NRG4: variants seen among roughly 807,000 people sequenced by gnomAD.
The protein encoded by NRG4 is neuregulin 4.
A neutral mutation model predicts 15.0 loss-of-function variants in NRG4; 10 were observed. That is an observed-to-expected ratio of 0.67 (90% CI 0.41 to 1.13). The LOEUF (loss-of-function observed/expected upper bound fraction) is 1.13. NRG4 is among the 50% of genes most tolerant of loss of function. The pLI is 0.00. For missense variants in NRG4, 139 were observed against 140.2 expected, an observed-to-expected ratio of 0.99 and a Z score of 0.04; for synonymous variants, 41 against 50.1, an observed-to-expected ratio of 0.82 and a Z score of 0.77.
intron 3 of NRG4, among the ~76,000 whole-genome samples, chr15:76,000,547 A>G (rs974084844): frequency 1.4e-4 from 22 of 152,226 alleles, no homozygotes; most frequent in African/African-American, 4.1e-4. Flanking sequence ...AAAAACACGT[A>G]CCCAAATATA....
chr15:76,006,221 T>C (rs927449268), intron 3 of NRG4, among the ~76,000 whole-genome samples: 3 of 151,998 alleles, frequency 2.0e-5, no homozygotes, highest in Non-Finnish European at 2.9e-5. Flanking sequence ...AAGAGGGCAA[T>C]AAAGAGTCAA....
At chr15:75,965,197 C>G (rs2032740349) in intron 3 of NRG4, among the ~76,000 whole-genome samples, 1 of 151,966 alleles carries the variant, frequency 6.6e-6, no homozygotes, top group East Asian at 1.9e-4. Flanking sequence ...TGCACTCCAG[C>G]TTGGGCGACA....
At chr15:75,988,448 A>G (rs943726184) in intron 3 of NRG4, among the ~76,000 whole-genome samples, 9 of 152,178 alleles carry the variant, frequency 5.9e-5, no homozygotes, top group South Asian at 2.1e-4. Flanking sequence ...CGGCCTCCCA[A>G]ACTGCTGGGA....
intron 3 of NRG4, among the ~76,000 whole-genome samples, chr15:75,976,067 T>C (rs557137944): frequency 6.6e-6 from 1 of 152,304 alleles, no homozygotes; most frequent in African/African-American, 2.4e-5. Context: ...CTTGTCTTCA[T>C]GCTTTATTTC....
At chr15:75,999,132 A>AG (rs936175097) in intron 3 of NRG4, among the ~76,000 whole-genome samples, 16 of 152,210 alleles carry the variant, frequency 1.1e-4, no homozygotes, top group Admixed American at 3.9e-4. Context: ...TCAAATCAGC[A>AG]GGGGAATTCA....
At chr15:75,950,589 C>T (rs2031819080) in intron 5 of NRG4, 1 of 245,676 alleles carries the variant, frequency 4.1e-6, no homozygotes, top group African/African-American at 2.3e-5. Context: ...CCAGCATCCT[C>T]CAAGAACTGG....
At chr15:75,991,992 A>G (rs1362231387) in intron 3 of NRG4, among the ~76,000 whole-genome samples, 1 of 152,028 alleles carries the variant, frequency 6.6e-6, no homozygotes, top group Non-Finnish European at 1.5e-5. Flanking sequence ...CATTCTCATT[A>G]TCTATAAACC....
At chr15:75,953,909 A>G (rs1305615403) in intron 5 of NRG4, among the ~76,000 whole-genome samples, 3 of 151,968 alleles carry the variant, frequency 2.0e-5, no homozygotes, top group Non-Finnish European at 4.4e-5. Flanking sequence ...CTGGTCTCAA[A>G]CTCTTCGGTT....
chr15:75,991,288 T>C (rs1010019149), intron 3 of NRG4, among the ~76,000 whole-genome samples: 11 of 152,174 alleles, frequency 7.2e-5, no homozygotes, highest in Admixed American at 2.0e-4. Flanking sequence ...TTTGTTCCTA[T>C]AGAATTTTAA....
At chr15:75,965,894 G>A (rs547802869) in intron 3 of NRG4, among the ~76,000 whole-genome samples, 125 of 152,310 alleles carry the variant, frequency 8.2e-4, no homozygotes, top group Non-Finnish European at 1.5e-3. Context: ...CTTTATGTAA[G>A]TAACTCTCTT....
chr15:76,030,828 A>G (rs2035453772), intron 5 of NRG4, among the ~76,000 whole-genome samples: 1 of 152,236 alleles, frequency 6.6e-6, no homozygotes, highest in Non-Finnish European at 1.5e-5. Context: ...GGAAAAAGAG[A>G]TAACATTATA....
chr15:76,000,903 G>A (rs899475046), intron 3 of NRG4, among the ~76,000 whole-genome samples: 15 of 152,116 alleles, frequency 9.9e-5, no homozygotes, highest in African/African-American at 3.4e-4. Flanking sequence ...AGGATATATT[G>A]TTAAGAAAAA....
At chr15:75,980,383 ATT>A (rs5813815) in intron 3 of NRG4, among the ~76,000 whole-genome samples, 5,958 of 142,218 alleles carry the variant, frequency 0.042, 343 homozygotes, top group African/African-American at 0.13. Context: ...TTCTTTGGGG[ATT>A]TTTTTTTTTT....
intron 2 of NRG4, among the ~76,000 whole-genome samples, chr15:76,009,654 C>T (rs2034736740): frequency 1.3e-5 from 2 of 152,164 alleles, no homozygotes; most frequent in South Asian, 4.1e-4. Context: ...TAGCATTTCC[C>T]TGTCCCAAGA....
At chr15:76,017,438 T>C (rs916728677) in intron 5 of NRG4, among the ~76,000 whole-genome samples, 5 of 152,116 alleles carry the variant, frequency 3.3e-5, no homozygotes, top group African/African-American at 9.7e-5. Flanking sequence ...ATAGTGTCGA[T>C]GGTCTTTACA....
chr15:75,959,620 G>A (rs769206221), intron 4 of NRG4, among the ~76,000 whole-genome samples: 2 of 151,934 alleles, frequency 1.3e-5, no homozygotes, highest in Non-Finnish European at 2.9e-5. Context: ...TCTGCTTCCC[G>A]AGTAGTTGGG....
At chr15:75,949,423 C>G (rs1163814176) in intron 5 of NRG4, among the ~76,000 whole-genome samples, 1 of 151,096 alleles carries the variant, frequency 6.6e-6, no homozygotes, top group African/African-American at 2.4e-5. Flanking sequence ...CTTGCCCAAA[C>G]TTTAAATGGG....
chr15:75,971,560 A>G (rs2033092179), intron 3 of NRG4, among the ~76,000 whole-genome samples: 1 of 152,150 alleles, frequency 6.6e-6, no homozygotes, highest in Non-Finnish European at 1.5e-5. Flanking sequence ...TTTCCCTCTC[A>G]TTATGTGAGA....
intron 5 of NRG4, among the ~76,000 whole-genome samples, chr15:76,023,290 AGCCC>A: frequency 1.1e-5 from 1 of 91,910 alleles, no homozygotes; most frequent in Non-Finnish European, 3.1e-5. Context: ...AGTGATTGGA[AGCCC>A]AGAAGGTACC....
Sources: allele counts gnomAD v4.1 joint callset (sites outside exome capture counted in the v4.1 genomes callset), GRCh38; gene constraint gnomAD v4.1.1; transcripts MANE v1.5; gene names NCBI Gene and HGNC (gene_info 2026-07-23, HGNC 2026-07-21).